The following MAP4 variants were observed in gnomAD, a reference collection of about 807,000 sequenced individuals.
The protein encoded by MAP4 is microtubule associated protein 4.
Under a neutral mutation model 170.2 loss-of-function variants are expected in MAP4, and 76 were observed. The ratio of observed to expected loss-of-function variants is 0.45; its 90% confidence interval spans 0.37 to 0.54. The LOEUF (loss-of-function observed/expected upper bound fraction) is 0.54. MAP4 is among the 20% of genes least tolerant of loss of function. MAP4 has a pLI of 0.00. For missense variants in MAP4, 2,506 were observed against 2,748.0 expected, an observed-to-expected ratio of 0.91 and a Z score of 1.97; for synonymous variants, 909 against 994.5, an observed-to-expected ratio of 0.91 and a Z score of 1.62.
chr3:47,968,525 A>G (rs2100076501), intron 3 of MAP4, among the ~76,000 whole-genome samples: 1 of 152,234 alleles, frequency 6.6e-6, no homozygotes, highest in Admixed American at 6.5e-5. Context: ...AAATTAGAAA[A>G]TACTTTCAGA....
intron 2 of MAP4, among the ~76,000 whole-genome samples, chr3:47,992,659 ATTCAT>A (rs1463625929): frequency 6.6e-6 from 1 of 152,182 alleles, no homozygotes; most frequent in East Asian, 1.9e-4. Context: ...TGAAAAAATT[ATTCAT>A]GGATTTCAAG....
In MAP4 at chr3:47,908,048, G is replaced by GTT. The variant is rs35928705; in HGVS notation, c.5383+988_5383+989dup. ...TGACTGGCTACTAAAACCAATTGGT[G>GTT]TTTTTTTTAAATTCTGGAGTTAGTA... On this transcript the variant is annotated intron_variant, in intron 9 of 20. Coordinates refer to ENST00000683076, the MANE Select transcript of MAP4 (RefSeq NM_001385682.1). 9.9e-5 allele frequency among the ~76,000 whole-genome samples: 15 copies of GTT among 151,896 alleles called. No individual in the cohort carries two copies. The South Asian group carries it at 1.5e-3, about 15-fold the overall frequency.
rs765761715 is a variant in MAP4 at position 47,867,232 on chromosome 3, G to A, written c.6501+14C>T. The A allele has an allele frequency of 1.9e-6, 3 of 1,586,346 alleles. No individual in the cohort carries two copies. The highest frequency in any genetic ancestry group is 2.6e-6 in the Non-Finnish European group (3 of 1,155,716). On this transcript the variant is annotated intron_variant, in intron 17 of 20. Coordinates refer to ENST00000683076, the MANE Select transcript of MAP4 (RefSeq NM_001385682.1). ...CTATATCTCAGATGCCAGCTAACCA[G>A]AGCTTATACTTACATTACCACCTCC... is the stretch of plus-strand genomic sequence containing the variant.
At chr3:48,055,476 G>GATTGCAGACGGA (rs1372738968) in intron 1 of MAP4, among the ~76,000 whole-genome samples, 2 of 150,316 alleles carry the variant, frequency 1.3e-5, no homozygotes, top group East Asian at 3.9e-4. Context: ...GAGGTGCCGG[G>GATTGCAGACGGA]ATTGCAGACG....
rs2092428846 is a variant in MAP4, at chr3:47,871,260, C to T, written c.5968G>A (p.Glu1990Lys). The T allele has an allele frequency of 6.2e-7, 1 of 1,614,186 alleles. No individual in the cohort carries two copies. Among genetic ancestry groups the T allele is most frequent in the African/African-American group, 1.3e-5 (1 of 75,052 alleles). ...TAIKTEGKPA[E>K]VKKMTAKSVP... ...GACTTTGCAGTCATCTTCTTGACTT[C>T]TGCAGGTTTTCCCTCAGTCTTAATG... Residue 1990 changes from glutamate to lysine, a missense_variant, in exon 14 of 21, where the codon GAA (glutamate) becomes AAA (lysine). By Grantham distance (56) the Glu-to-Lys change is moderately conservative. This residue lies in a region of MAP4 where 487 missense variants were observed against 511.6 expected (regional missense o/e 0.95). Coordinates refer to ENST00000683076, the MANE Select transcript of MAP4 (RefSeq NM_001385682.1).
chr3:48,040,088 A>G (rs971535158), intron 1 of MAP4, among the ~76,000 whole-genome samples: 4 of 152,080 alleles, frequency 2.6e-5, no homozygotes, highest in African/African-American at 9.7e-5. Context: ...TGGAATCTCT[A>G]AGGACTACAG....
intron 3 of MAP4, among the ~76,000 whole-genome samples, chr3:47,971,684 T>C (rs2100078847): frequency 6.6e-6 from 1 of 152,236 alleles, no homozygotes; most frequent in Non-Finnish European, 1.5e-5. Context: ...AAATAATTTG[T>C]AGTTAAGTCT....
At chr3:47,891,775 G>A (rs2100024126) in intron 10 of MAP4, 1 of 1,536,498 alleles carries the variant, frequency 6.5e-7, no homozygotes, top group Non-Finnish European at 8.7e-7. Context: ...TGGGGGCTGG[G>A]TGGGCTAGAG....
chr3:47,970,892 T>C (rs77789728), intron 3 of MAP4, among the ~76,000 whole-genome samples: 1,839 of 152,340 alleles, frequency 0.012, 14 homozygotes, highest in Non-Finnish European at 0.018. Flanking sequence ...TTTTGTCTTA[T>C]TCAATACAAA....
intron 10 of MAP4, chr3:47,891,311 T>C (rs924308794): frequency 2.4e-5 from 37 of 1,536,138 alleles, no homozygotes; most frequent in African/African-American, 4.1e-5. Context: ...TTCTTCTCTC[T>C]TCTTGGCCAC....
At chr3:47,882,063 G>A (rs2096856764) in intron 10 of MAP4, among the ~76,000 whole-genome samples, 1 of 152,232 alleles carries the variant, frequency 6.6e-6, no homozygotes, top group African/African-American at 2.4e-5. Flanking sequence ...CTTATCACCT[G>A]AAGTCAGGAG....
chr3:48,071,493 G>A (rs1417991595), intron 1 of MAP4, among the ~76,000 whole-genome samples: 2 of 152,016 alleles, frequency 1.3e-5, no homozygotes, highest in Non-Finnish European at 2.9e-5. Flanking sequence ...AGGCTGCAAT[G>A]AGCCATGATG....
At chr3:48,005,448 G>A (rs904125834) in intron 1 of MAP4, among the ~76,000 whole-genome samples, 2 of 152,172 alleles carry the variant, frequency 1.3e-5, no homozygotes, top group African/African-American at 4.8e-5. Flanking sequence ...TGGGATAATG[G>A]TGGAAGGAAC....
chr3:48,085,502 T>C (rs116731760), intron 1 of MAP4, among the ~76,000 whole-genome samples: 112 of 152,292 alleles, frequency 7.4e-4, no homozygotes, highest in Admixed American at 2.2e-3. Flanking sequence ...GAATGACAAA[T>C]ATTTGAAGAG....
At position 47,869,078 on chromosome 3, in the gene MAP4, G is replaced by A. The variant is rs559911568; in HGVS notation, c.6408+136C>T. The A allele has an allele frequency of 1.2e-3, 813 of 690,992 alleles. 2 individuals are homozygous for A. Among genetic ancestry groups the A allele is most frequent in the Non-Finnish European group, 1.5e-3 (614 of 397,378 alleles). 42.8% of individuals were successfully genotyped at this position (690,992 alleles called of 1,614,324 possible). A position where few individuals can be genotyped will look rare whatever the true frequency, so the allele number is the denominator to read the frequency against. On this transcript the variant is annotated intron_variant, in intron 16 of 20. Coordinates refer to ENST00000683076, the MANE Select transcript of MAP4 (RefSeq NM_001385682.1). ...TCTGATGGCCGAGTCATCAAGCACAGAGAAGGGAATATAGGGGAGAAGAAG... is the reference window on the plus strand; with the variant it reads ...TCTGATGGCCGAGTCATCAAGCACAAAGAAGGGAATATAGGGGAGAAGAAG...
intron 3 of MAP4, among the ~76,000 whole-genome samples, chr3:47,951,598 A>C (rs1160464506): frequency 6.6e-6 from 1 of 152,208 alleles, no homozygotes; most frequent in East Asian, 1.9e-4. Flanking sequence ...GTGATCCGCC[A>C]GCCTTGGCCT....
At chr3:48,050,711 T>C (rs1455889026) in intron 1 of MAP4, among the ~76,000 whole-genome samples, 1 of 151,338 alleles carries the variant, frequency 6.6e-6, no homozygotes, top group Non-Finnish European at 1.5e-5. Context: ...ATCGAGACCA[T>C]CCTGGCCAAC....
At chr3:47,880,953 A>G (rs759042358) in intron 10 of MAP4, among the ~76,000 whole-genome samples, 1 of 152,104 alleles carries the variant, frequency 6.6e-6, no homozygotes, top group Non-Finnish European at 1.5e-5. Flanking sequence ...AGTTCTATCA[A>G]CTGTTCATAG....
At position 47,875,687 on chromosome 3, in the gene MAP4, T is replaced by C. The variant is rs1255227713; in HGVS notation, c.5755A>G (p.Lys1919Glu). The C allele has an allele frequency of 2.5e-6, 4 of 1,612,126 alleles. No individual in the cohort carries two copies. In the Admixed American group the frequency reaches 6.7e-5, roughly 27 times the overall value. ...SILPSKDVKP[K>E]PIADAKAPEK... ...ACAGTAGTTAGGTGACCACTTACCT[T>C]TGGCTTCACGTCTTTTGAAGGTAAG... The change falls in exon 12 of 21, where the codon AAG (lysine) becomes GAG (glutamate). Residue 1919 changes from lysine to glutamate, a missense_variant and splice_region_variant. Lys to Glu is a moderately conservative substitution (Grantham distance 56). Coordinates refer to ENST00000683076, the MANE Select transcript of MAP4 (RefSeq NM_001385682.1).
Sources: allele counts gnomAD v4.1 joint callset (sites outside exome capture counted in the v4.1 genomes callset), GRCh38; gene constraint gnomAD v4.1.1; regional missense constraint gnomAD v4.1.1; transcripts MANE v1.5; gene names NCBI Gene and HGNC (gene_info 2026-07-23, HGNC 2026-07-21).